Variants in TBC1D32 observed in about 807,000 individuals in gnomAD.
TBC1D32 encodes protein broad-minded.
TBC1D32 carries 151 observed loss-of-function variants against 170.3 expected under a neutral mutation model. The ratio of observed to expected loss-of-function variants is 0.89; its 90% CI spans 0.78 to 1.01. The LOEUF is 1.01. TBC1D32 is among the 50% of genes least tolerant of loss of function. The pLI is 0.00. For synonymous variants in TBC1D32, 498 were observed against 488.0 expected (o/e 1.02, Z -0.27); for missense variants, 1,464 against 1,457.1 (o/e 1.00, Z -0.08).
At chr6:121,218,533 C>T (rs1264995675) in intron 21 of TBC1D32, among the ~76,000 whole-genome samples, 1 of 152,096 alleles carries the variant, frequency 6.6e-6, no homozygotes, top group Non-Finnish European at 1.5e-5. Flanking sequence ...GAAAGGCAGA[C>T]CCACCCTTAA....
chr6:121,082,098 C>A (rs1041396409), intron 31 of TBC1D32, among the ~76,000 whole-genome samples: 1 of 152,028 alleles, frequency 6.6e-6, no homozygotes, highest in Non-Finnish European at 1.5e-5. Flanking sequence ...CACTTCTTCA[C>A]TCATTCATTC....
chr6:121,212,398 T>G (rs1481152280), intron 21 of TBC1D32, among the ~76,000 whole-genome samples: 3 of 151,656 alleles, frequency 2.0e-5, no homozygotes, highest in African/African-American at 7.3e-5. Flanking sequence ...AGCATCATTC[T>G]GATAACAAAA....
intron 22 of TBC1D32, among the ~76,000 whole-genome samples, chr6:121,181,013 G>A (rs1006814534): frequency 8.6e-5 from 13 of 152,010 alleles, no homozygotes; most frequent in African/African-American, 3.1e-4. Context: ...AATCACCAGG[G>A]AAATGCAAAT....
chr6:121,307,202 C>T (rs1184514909), intron 5 of TBC1D32, among the ~76,000 whole-genome samples: 2 of 151,160 alleles, frequency 1.3e-5, no homozygotes, highest in African/African-American at 4.9e-5. Flanking sequence ...TGGTGAGGCT[C>T]CATCTCTACA....
intron 9 of TBC1D32, 30 bp downstream of exon 9, chr6:121,303,587 A>C (rs1218004838): frequency 6.7e-7 from 1 of 1,485,150 alleles, no homozygotes; most frequent in East Asian, 2.3e-5. Flanking sequence ...AATGCACTAA[A>C]AGGTATAAAA....
intron 1 of TBC1D32, 83 bp downstream of exon 1, chr6:121,334,189 CAATA>C: frequency 5.3e-6 from 6 of 1,132,642 alleles, no homozygotes; most frequent in Non-Finnish European, 7.4e-6. Context: ...ATTTTAAAAA[CAATA>C]AATAAATTAA....
intron 31 of TBC1D32, among the ~76,000 whole-genome samples, chr6:121,085,350 C>CTT (rs1776137718): frequency 9.2e-6 from 1 of 108,170 alleles, no homozygotes; most frequent in Non-Finnish European, 1.6e-5. Context: ...TATATACATA[C>CTT]ATATATATAC....
At chr6:121,225,611 C>A (rs1794968834) in intron 20 of TBC1D32, among the ~76,000 whole-genome samples, 1 of 151,948 alleles carries the variant, frequency 6.6e-6, no homozygotes, top group Admixed American at 6.6e-5. Context: ...GGACCACATA[C>A]AATCAAGGTA....
chr6:121,200,455 C>G (rs973087183), intron 22 of TBC1D32, among the ~76,000 whole-genome samples: 2 of 151,470 alleles, frequency 1.3e-5, no homozygotes, highest in Admixed American at 6.6e-5. Context: ...TATAACATTA[C>G]TCTAAACCTA....
chr6:121,170,433 TTTC>T (rs1786809840), intron 22 of TBC1D32: 17 of 1,605,500 alleles, frequency 1.1e-5, no homozygotes, highest in Non-Finnish European at 1.3e-5. Flanking sequence ...TCCAAGATAT[TTTC>T]TTCTTGAGCA....
chr6:121,330,369 T>C (rs1811053626), intron 1 of TBC1D32, among the ~76,000 whole-genome samples: 1 of 152,152 alleles, frequency 6.6e-6, no homozygotes, highest in South Asian at 2.1e-4. Flanking sequence ...CTCTTAAACA[T>C]ACTAGAGTTC....
intron 6 of TBC1D32, 22 bp from the exon 7 acceptor site, chr6:121,304,647 A>G (rs372372584): frequency 2.5e-5 from 40 of 1,570,230 alleles, no homozygotes; most frequent in Non-Finnish European, 3.4e-5. Flanking sequence ...GGGAAAACAT[A>G]AAATTACATC....
chr6:121,270,893 C>T (rs1351339590), intron 15 of TBC1D32, among the ~76,000 whole-genome samples: 1 of 152,128 alleles, frequency 6.6e-6, no homozygotes, highest in Non-Finnish European at 1.5e-5. Flanking sequence ...TCCAGCAGCA[C>T]ATCAAAAAGC....
At chr6:121,194,272 T>A (rs2088833) in intron 22 of TBC1D32, among the ~76,000 whole-genome samples, 1 of 152,072 alleles carries the variant, frequency 6.6e-6, no homozygotes. Context: ...GCTGGCAGAA[T>A]GCCCACATTG....
chr6:121,162,800 C>T (rs1785918306), intron 22 of TBC1D32, among the ~76,000 whole-genome samples: 2 of 115,494 alleles, frequency 1.7e-5, no homozygotes, highest in Non-Finnish European at 3.9e-5. Flanking sequence ...TCTGCATTTC[C>T]ATCTGAGGTA....
At chr6:121,322,297 CTAT>C (rs1253706168) in intron 1 of TBC1D32, among the ~76,000 whole-genome samples, 1 of 152,130 alleles carries the variant, frequency 6.6e-6, no homozygotes, top group Non-Finnish European at 1.5e-5. Context: ...AAGATTATCA[CTAT>C]TATTAAATTC....
At chr6:121,333,131 C>G (rs963765141) in intron 1 of TBC1D32, among the ~76,000 whole-genome samples, 2 of 152,050 alleles carry the variant, frequency 1.3e-5, no homozygotes, top group African/African-American at 4.8e-5. Flanking sequence ...CTTCAGGGTA[C>G]CCAAGGGTAT....
At chr6:121,262,720 G>T (rs1449766290) in intron 15 of TBC1D32, among the ~76,000 whole-genome samples, 1 of 152,012 alleles carries the variant, frequency 6.6e-6, no homozygotes, top group Non-Finnish European at 1.5e-5. Context: ...CAGGTGATCT[G>T]CCCGCCTCAA....
chr6:121,271,011 C>T (rs1272138645), intron 15 of TBC1D32, among the ~76,000 whole-genome samples: 4 of 152,008 alleles, frequency 2.6e-5, no homozygotes, highest in African/African-American at 7.3e-5. Context: ...AGACAAAAAC[C>T]ACATGATTAT....
Sources: allele counts gnomAD v4.1 joint callset (sites outside exome capture counted in the v4.1 genomes callset), GRCh38; gene constraint gnomAD v4.1.1; transcripts MANE v1.5; gene names NCBI Gene and HGNC (gene_info 2026-07-23, HGNC 2026-07-21).